The following TMEM244 variants were observed in gnomAD, a reference collection of about 807,000 sequenced individuals.
TMEM244 encodes putative transmembrane protein 244.
A neutral mutation model predicts 15.8 loss-of-function variants in TMEM244; 13 were observed. That is an observed-to-expected ratio of 0.82 (90% CI 0.53 to 1.30). The LOEUF (loss-of-function observed/expected upper bound fraction) is 1.30, where lower values mean the gene tolerates loss of function less well. Ranked by LOEUF, TMEM244 falls within the 50% of genes most tolerant of loss-of-function variation. The pLI is 0.00. For missense variants in TMEM244, 161 were observed against 144.9 expected, an observed-to-expected ratio of 1.11 and a Z score of -0.57; for synonymous variants, 45 against 48.7, an observed-to-expected ratio of 0.92 and a Z score of 0.32.
chr6:129,851,454 G>A (rs1776637133), intron 1 of TMEM244, among the ~76,000 whole-genome samples: 1 of 152,124 alleles, frequency 6.6e-6, no homozygotes, highest in South Asian at 2.1e-4. Context: ...ATTTTTAGTA[G>A]AGACGGGGTT....
intron 3 of TMEM244, among the ~76,000 whole-genome samples, chr6:129,841,104 A>G (rs1562197305): frequency 6.6e-6 from 1 of 152,120 alleles, no homozygotes; most frequent in East Asian, 1.9e-4. Flanking sequence ...AAATCTTTCT[A>G]TGATATAGAC....
intron 2 of TMEM244, among the ~76,000 whole-genome samples, chr6:129,844,615 T>C (rs901909069): frequency 4.6e-5 from 7 of 152,232 alleles, no homozygotes; most frequent in Admixed American, 4.6e-4. Flanking sequence ...CTTTAAGGTC[T>C]AATTACTTCA....
intron 1 of TMEM244, among the ~76,000 whole-genome samples, chr6:129,860,548 C>T (rs1776792944): frequency 6.6e-6 from 1 of 152,140 alleles, no homozygotes; most frequent in African/African-American, 2.4e-5. Flanking sequence ...TGATTTTCCA[C>T]TATCATTCCC....
chr6:129,861,071 A>G, intron 1 of TMEM244, 85 bp downstream of exon 1: 2 of 1,467,140 alleles, frequency 1.4e-6, no homozygotes, highest in Non-Finnish European at 1.9e-6. Context: ...GCCCACTGAC[A>G]GAGAGGCCAT....
Position 129,833,547 on chromosome 6 carries a change from C to T in TMEM244, c.232G>A (p.Gly78Arg). ...VSTEVTYFVC[G>R]LFFVPVVEEW... ...TCCACAACTGGAACAAAAAACAATC[C>T]ACAAACAAAGTAGGTGACCTCTGTT... The change falls in exon 4 of 5, where the codon GGA becomes AGA. Residue 78 changes from glycine to arginine, a missense_variant. Coordinates refer to ENST00000368143, the MANE Select transcript of TMEM244 (RefSeq NM_001010876.2). 1 of 1,612,614 alleles carries T rather than the reference C, an allele frequency of 6.2e-7. No homozygotes were observed. The highest frequency in any genetic ancestry group is 8.5e-7 in the Non-Finnish European group (1 of 1,179,316).
At chr6:129,849,844 G>C (rs567533700) in intron 1 of TMEM244, among the ~76,000 whole-genome samples, 17 of 152,162 alleles carry the variant, frequency 1.1e-4, no homozygotes, top group Non-Finnish European at 2.2e-4. Context: ...GCCCAAGCGA[G>C]ACGCCAGCAG....
At chr6:129,850,010 T>G (rs1776614456) in intron 1 of TMEM244, among the ~76,000 whole-genome samples, 2 of 152,202 alleles carry the variant, frequency 1.3e-5, no homozygotes, top group Admixed American at 1.3e-4. Flanking sequence ...CTTATAAAAC[T>G]TCTGAGTGGT....
intron 1 of TMEM244, among the ~76,000 whole-genome samples, chr6:129,858,510 CTCACTGCAGGACAGAA>C (rs1776750437): frequency 6.6e-6 from 1 of 152,164 alleles, no homozygotes; most frequent in Non-Finnish European, 1.5e-5. Context: ...CACTCCACCC[CTCACTGCAGGACAGAA>C]TCAATCTCTA....
rs556557920 is a variant in TMEM244 at position 129,839,801 on chromosome 6, C to A, written c.193+3729G>T. 8.5e-5 allele frequency among the ~76,000 whole-genome samples: 13 copies of A among 152,184 alleles called. No individual in the cohort carries two copies. In the East Asian group the frequency reaches 2.3e-3, roughly 27 times the overall value. On this transcript the variant is annotated intron_variant, in intron 3 of 4. Transcript: ENST00000368143. ...ACACAAATAATAGACAAACAGAGAGCCAAAACATGAGTGAACTCCCATTCA... is the reference window on the plus strand; with the variant it reads ...ACACAAATAATAGACAAACAGAGAGACAAAACATGAGTGAACTCCCATTCA...
intron 1 of TMEM244, among the ~76,000 whole-genome samples, chr6:129,855,958 T>A (rs1014558636): frequency 4.6e-5 from 7 of 152,170 alleles, no homozygotes; most frequent in Non-Finnish European, 8.8e-5. Flanking sequence ...TTATTTACAT[T>A]GGTATTGTAA....
chr6:129,841,208 T>C (rs1776484891), intron 3 of TMEM244, among the ~76,000 whole-genome samples: 1 of 151,986 alleles, frequency 6.6e-6, no homozygotes, highest in Admixed American at 6.6e-5. Flanking sequence ...ATTAAGAAAA[T>C]GTGGCACATA....
chr6:129,851,435 A>T (rs1776636887), intron 1 of TMEM244, among the ~76,000 whole-genome samples: 2 of 151,920 alleles, frequency 1.3e-5, no homozygotes, highest in Admixed American at 1.3e-4. Flanking sequence ...TGCCCAGCAA[A>T]TTTTTTGTAT....
intron 1 of TMEM244, among the ~76,000 whole-genome samples, chr6:129,857,736 T>G (rs1195925216): frequency 6.6e-6 from 1 of 151,966 alleles, no homozygotes. Flanking sequence ...ATGCCTCTAG[T>G]ATTCTCCATT....
chr6:129,848,429 G>A (rs1314947359), intron 1 of TMEM244, among the ~76,000 whole-genome samples: 3 of 152,144 alleles, frequency 2.0e-5, no homozygotes, highest in Non-Finnish European at 2.9e-5. Flanking sequence ...TCATGACTGC[G>A]CTTCCGGGGA....
chr6:129,848,742 A>G (rs1256030346), intron 1 of TMEM244, among the ~76,000 whole-genome samples: 6 of 152,182 alleles, frequency 3.9e-5, no homozygotes, highest in Admixed American at 3.9e-4. Flanking sequence ...CTTCAGCACT[A>G]TAATTTTTTT....
At chr6:129,860,724 A>G (rs1381253432) in intron 1 of TMEM244, among the ~76,000 whole-genome samples, 1 of 152,062 alleles carries the variant, frequency 6.6e-6, no homozygotes, top group Non-Finnish European at 1.5e-5. Context: ...AAAAGAAACT[A>G]ACAAACCTAC....
intron 1 of TMEM244, among the ~76,000 whole-genome samples, chr6:129,859,519 A>G (rs1776770701): frequency 6.6e-6 from 1 of 152,224 alleles, no homozygotes; most frequent in Non-Finnish European, 1.5e-5. Context: ...TGTGCTTCTG[A>G]GATTTTTACA....
intron 1 of TMEM244, among the ~76,000 whole-genome samples, chr6:129,860,300 GAA>G (rs1776784124): frequency 6.6e-6 from 1 of 151,956 alleles, no homozygotes; most frequent in Non-Finnish European, 1.5e-5. Flanking sequence ...CATAAATTAC[GAA>G]GTTTAATAAC....
chr6:129,855,106 C>T (rs1584192286), intron 1 of TMEM244, among the ~76,000 whole-genome samples: 1 of 152,140 alleles, frequency 6.6e-6, no homozygotes, highest in East Asian at 1.9e-4. Context: ...TCCCCTCAGG[C>T]AGGATTTCCA....
Sources: allele counts gnomAD v4.1 joint callset (sites outside exome capture counted in the v4.1 genomes callset), GRCh38; gene constraint gnomAD v4.1.1; transcripts MANE v1.5; gene names NCBI Gene and HGNC (gene_info 2026-07-23, HGNC 2026-07-21).